The following ACTR3C variants were observed in gnomAD, a reference collection of about 807,000 sequenced individuals.
ACTR3C encodes the protein actin-related protein 3C.
Under a neutral mutation model 26.3 loss-of-function variants are expected in ACTR3C, and 18 were observed. The ratio of observed to expected loss-of-function variants is 0.68; its 90% CI spans 0.47 to 1.01. ACTR3C has a LOEUF of 1.01. Among genes scored for constraint, ACTR3C ranks in the 50% least tolerant of loss-of-function variants. ACTR3C has a pLI of 0.00. For synonymous variants in ACTR3C, 55 were observed against 94.5 expected (o/e 0.58, Z 2.42); for missense variants, 184 against 250.7 (o/e 0.73, Z 1.80).
At chr7:150,147,469 A>G in the ACTR3C span, among the ~76,000 whole-genome samples, 22 of 152,242 alleles carry the variant, frequency 1.4e-4, no homozygotes, top group African/African-American at 5.1e-4. Context: ...TAAAATATGC[A>G]TATATAATTT....
the ACTR3C span, among the ~76,000 whole-genome samples, chr7:149,961,652 G>C: frequency 1.5e-4 from 23 of 151,772 alleles, no homozygotes; most frequent in Admixed American, 5.9e-4. Flanking sequence ...TATACACATA[G>C]GATCTATGGG....
chr7:150,200,030 G>A, the ACTR3C span, among the ~76,000 whole-genome samples: 9 of 152,190 alleles, frequency 5.9e-5, no homozygotes, highest in East Asian at 1.2e-3. Context: ...GTACAAGACC[G>A]ACCTATGAAA....
At chr7:149,903,716 T>A in the ACTR3C span, among the ~76,000 whole-genome samples, 1 of 150,758 alleles carries the variant, frequency 6.6e-6, no homozygotes, top group African/African-American at 2.4e-5. Flanking sequence ...TAATTTATTT[T>A]TATTTCTGGT....
At chr7:149,912,703 A>G in the ACTR3C span, among the ~76,000 whole-genome samples, 1 of 152,052 alleles carries the variant, frequency 6.6e-6, no homozygotes, top group Non-Finnish European at 1.5e-5. Context: ...GGGTTTCACC[A>G]TGTTGGCCAG....
the ACTR3C span, among the ~76,000 whole-genome samples, chr7:150,068,487 C>T: frequency 6.6e-6 from 1 of 152,060 alleles, no homozygotes; most frequent in African/African-American, 2.4e-5. Context: ...AATTCTGATG[C>T]TTATAAGAAT....
chr7:150,143,556 C>T, the ACTR3C span, among the ~76,000 whole-genome samples: 1 of 152,222 alleles, frequency 6.6e-6, no homozygotes, highest in Non-Finnish European at 1.5e-5. Context: ...TCCCAGCTCT[C>T]CCAGACAACC....
At chr7:150,143,875 G>C in the ACTR3C span, among the ~76,000 whole-genome samples, 1 of 152,230 alleles carries the variant, frequency 6.6e-6, no homozygotes, top group African/African-American at 2.4e-5. Flanking sequence ...GCCCCCTGTG[G>C]AAGGTGAGAG....
chr7:150,049,812 T>A, the ACTR3C span, among the ~76,000 whole-genome samples: 24 of 152,372 alleles, frequency 1.6e-4, no homozygotes, highest in African/African-American at 5.3e-4. Context: ...ATCTTCTGTT[T>A]ACTCCACAGT....
At chr7:150,136,422 C>A in the ACTR3C span, among the ~76,000 whole-genome samples, 2 of 152,164 alleles carry the variant, frequency 1.3e-5, no homozygotes, top group Admixed American at 1.3e-4. Context: ...GTAATCCCAG[C>A]ACTTTGGGAG....
the ACTR3C span, among the ~76,000 whole-genome samples, chr7:150,215,504 C>T: frequency 3.3e-5 from 5 of 152,162 alleles, no homozygotes; most frequent in East Asian, 1.9e-4. Flanking sequence ...GAAGGGATTT[C>T]GCTAGTTGAG....
chr7:150,276,254 T>G (rs143648895), intron 6 of ACTR3C, among the ~76,000 whole-genome samples: 11 of 151,422 alleles, frequency 7.3e-5, no homozygotes, highest in Non-Finnish European at 1.0e-4. Context: ...ACTAAGAGGC[T>G]CTCTTAACTC....
At chr7:149,910,222 G>T in the ACTR3C span, among the ~76,000 whole-genome samples, 11 of 150,128 alleles carry the variant, frequency 7.3e-5, no homozygotes, top group African/African-American at 2.5e-4. Context: ...TGCGGGGTGG[G>T]GGGCGGCGGT....
At chr7:150,134,373 A>C in the ACTR3C span, among the ~76,000 whole-genome samples, 11 of 152,178 alleles carry the variant, frequency 7.2e-5, no homozygotes, top group Non-Finnish European at 1.2e-4. Context: ...AGACGAGGGG[A>C]ATGAAGACCC....
chr7:149,969,055 A>G, the ACTR3C span, among the ~76,000 whole-genome samples: 1 of 152,050 alleles, frequency 6.6e-6, no homozygotes, highest in Non-Finnish European at 1.5e-5. Flanking sequence ...AACCAACCTC[A>G]TGTCCTTCTG....
At chr7:150,164,393 A>G in the ACTR3C span, among the ~76,000 whole-genome samples, 1 of 152,216 alleles carries the variant, frequency 6.6e-6, no homozygotes, top group African/African-American at 2.4e-5. Flanking sequence ...GTGTGTCCTC[A>G]AAGTAGAGCC....
the ACTR3C span, among the ~76,000 whole-genome samples, chr7:149,925,393 C>G: frequency 1.3e-5 from 2 of 152,258 alleles, no homozygotes; most frequent in South Asian, 4.2e-4. Context: ...GAACAACAAT[C>G]GAAAACACAT....
chr7:150,221,998 C>CAAAAAAAAAAAAAAAAAAAAAAAAAA, the ACTR3C span, among the ~76,000 whole-genome samples: 5 of 79,798 alleles, frequency 6.3e-5, no homozygotes, highest in African/African-American at 1.4e-4. Flanking sequence ...ACTCCGTCTC[C>CAAAAAAAAAAAAAAAAAAAAAAAAAA]AAAAAAAAAA....
At chr7:150,243,122 T>G (rs1340345698), downstream of ACTR3C, among the ~76,000 whole-genome samples, 1 of 152,220 alleles carries the variant, frequency 6.6e-6, no homozygotes, top group Non-Finnish European at 1.5e-5. Flanking sequence ...CTTCTCACAA[T>G]AGCTTTATGA....
At chr7:150,024,941 C>T in the ACTR3C span, among the ~76,000 whole-genome samples, 28 of 152,010 alleles carry the variant, frequency 1.8e-4, no homozygotes, top group South Asian at 4.2e-4. Flanking sequence ...AAAGCGCAGG[C>T]GGCTTTGCAA....
Sources: allele counts gnomAD v4.1 joint callset (sites outside exome capture counted in the v4.1 genomes callset), GRCh38; gene constraint gnomAD v4.1.1; transcripts MANE v1.5; gene names NCBI Gene and HGNC (gene_info 2026-07-23, HGNC 2026-07-21).